The following SEMA3D variants were observed in gnomAD, a reference collection of about 807,000 sequenced individuals.
SEMA3D encodes semaphorin 3D.
Under a neutral mutation model 100.1 loss-of-function variants are expected in SEMA3D, and 84 were observed. The ratio of observed to expected loss-of-function variants is 0.84; its 90% CI spans 0.70 to 1.01. SEMA3D has a LOEUF of 1.01. SEMA3D is among the 50% of genes least tolerant of loss of function. SEMA3D has a pLI of 0.00. For synonymous variants in SEMA3D, 312 were observed against 320.7 expected (o/e 0.97, Z 0.29); for missense variants, 875 against 934.1 (o/e 0.94, Z 0.82).
the SEMA3D span, among the ~76,000 whole-genome samples, chr7:85,214,282 C>T: frequency 6.6e-6 from 1 of 152,110 alleles, no homozygotes. Flanking sequence ...TTGGTACTAA[C>T]ACTAGTCATC....
chr7:85,007,324 G>A (rs1789827881), intron 17 of SEMA3D, among the ~76,000 whole-genome samples: 1 of 151,534 alleles, frequency 6.6e-6, no homozygotes, highest in Admixed American at 6.6e-5. Context: ...TAGTTCTGGA[G>A]GGGCAGTTTG....
At chr7:85,040,774 T>C (rs991317636) in intron 10 of SEMA3D, 32 bp from the exon 11 acceptor site, 1 of 965,074 alleles carries the variant, frequency 1.0e-6, no homozygotes, top group Non-Finnish European at 1.7e-6. Flanking sequence ...TATTTACTCT[T>C]ATTTTTCAGT....
intron 9 of SEMA3D, among the ~76,000 whole-genome samples, chr7:85,048,817 A>T (rs986692788): frequency 6.6e-6 from 1 of 151,916 alleles, no homozygotes; most frequent in Non-Finnish European, 1.5e-5. Flanking sequence ...CGGTAAGTTA[A>T]GTTGTAGAAA....
At chr7:85,064,595 T>C (rs553625612) in intron 8 of SEMA3D, among the ~76,000 whole-genome samples, 14 of 152,290 alleles carry the variant, frequency 9.2e-5, no homozygotes, top group African/African-American at 3.4e-4. Flanking sequence ...CCTCGCCTCC[T>C]TCACTAAGGC....
chr7:85,022,820 A>G (rs1416777373), intron 12 of SEMA3D, among the ~76,000 whole-genome samples: 1 of 151,890 alleles, frequency 6.6e-6, no homozygotes, highest in African/African-American at 2.4e-5. Flanking sequence ...AATTTTCTAA[A>G]TTACCTCTGC....
the SEMA3D span, among the ~76,000 whole-genome samples, chr7:85,211,644 G>A: frequency 2.6e-5 from 4 of 152,088 alleles, no homozygotes; most frequent in East Asian, 5.8e-4. Context: ...AGAAAACTGT[G>A]TACTGTTGAT....
intron 2 of SEMA3D, among the ~76,000 whole-genome samples, chr7:85,146,122 T>C (rs1298242988): frequency 6.6e-6 from 1 of 152,186 alleles, no homozygotes; most frequent in Non-Finnish European, 1.5e-5. Context: ...CCAATTGGTA[T>C]AAATAGATAA....
chr7:85,215,171 T>C, the SEMA3D span, among the ~76,000 whole-genome samples: 1 of 151,788 alleles, frequency 6.6e-6, no homozygotes. Context: ...TCAGATTTTC[T>C]TGGACTGTGA....
Position 85,121,943 on chromosome 7 carries a change from T to TA in SEMA3D, c.-40-13dup, listed in dbSNP as rs375445705. On this transcript the variant is annotated splice_polypyrimidine_tract_variant and intron_variant, in intron 2 of 18. Transcript: ENST00000284136. Reference sequence around the variant, plus strand: ...GGTGTTAATTTAATCTAAAAAAGAGTAAAAAAAAAAAAACTATTAAGGTAT... The same window carrying TA: ...GGTGTTAATTTAATCTAAAAAAGAGTAAAAAAAAAAAAAACTATTAAGGTAT... 0.093 allele frequency: 92,342 copies of TA among 991,240 alleles called. 40 individuals carry two copies. The highest frequency in any genetic ancestry group is 0.13 in the South Asian group (6,621 of 49,074). 61.4% of individuals were successfully genotyped at this position (991,240 alleles called of 1,614,324 possible).
intron 12 of SEMA3D, among the ~76,000 whole-genome samples, chr7:85,034,915 C>T (rs1193419024): frequency 6.6e-6 from 1 of 151,970 alleles, no homozygotes; most frequent in East Asian, 1.9e-4. Context: ...TGTGGCAGTT[C>T]CTCAAAAAAT....
intron 2 of SEMA3D, chr7:85,140,174 A>T (rs943378488): frequency 2.1e-6 from 1 of 482,106 alleles, no homozygotes; most frequent in African/African-American, 2.1e-5. Flanking sequence ...TTAAGTTTAT[A>T]AGAGCATTTA....
intron 2 of SEMA3D, among the ~76,000 whole-genome samples, chr7:85,122,277 AC>A (rs1374295532): frequency 6.6e-6 from 1 of 152,040 alleles, no homozygotes; most frequent in Non-Finnish European, 1.5e-5. Flanking sequence ...ACTTTCCTCA[AC>A]TTACTAAATT....
rs57323073 is a variant in SEMA3D at position 85,055,701 on chromosome 7, T to C, written c.861+16A>G. ...ATATATATATGTTTTAAGTAAAATA[T>C]ATAAATATATCTTGCCTTACAAACT... On this transcript the variant is annotated intron_variant, in intron 9 of 18. Coordinates refer to ENST00000284136, the MANE Select transcript of SEMA3D (RefSeq NM_001384900.1). The C allele has an allele frequency of 9.9e-3, 8,555 of 865,578 alleles. 603 individuals carry two copies. In the African/African-American group the frequency reaches 0.14, roughly 14 times the overall value. The allele number at this position is 865,578 out of a possible 1,614,324, so 53.6% of individuals were successfully genotyped here.
intron 2 of SEMA3D, 129 bp downstream of exon 2, chr7:85,153,479 G>A (rs994782377): frequency 6.6e-6 from 1 of 152,052 alleles, no homozygotes; most frequent in Non-Finnish European, 1.5e-5. Context: ...AATCACATCA[G>A]CCCAAGGACA....
chr7:85,203,903 T>C, the SEMA3D span, among the ~76,000 whole-genome samples: 2 of 152,050 alleles, frequency 1.3e-5, no homozygotes, highest in Non-Finnish European at 2.9e-5. Flanking sequence ...ATGTTAGAAG[T>C]GGGAGATATT....
intron 9 of SEMA3D, among the ~76,000 whole-genome samples, chr7:85,043,639 G>A (rs1295148578): frequency 2.6e-5 from 4 of 152,076 alleles, no homozygotes; most frequent in Non-Finnish European, 5.9e-5. Flanking sequence ...ATTCCCACAT[G>A]TTGTGGGAGG....
rs1367809102 is a variant in SEMA3D at position 85,040,725 on chromosome 7, G to A, written c.994C>T (p.Pro332Ser). ...ACAGGATTTCTTTCATCTCTTGTGG[G>A]GAGTAAATAAATATCTTCTATTAAA... Reference protein sequence around the residue: ...FDELQDIYLLPTRDERNPVVY... With the variant: ...FDELQDIYLLSTRDERNPVVY... Residue 332 changes from proline to serine, a missense_variant, in exon 11 of 19, where the codon CCC becomes TCC. Coordinates refer to ENST00000284136, the MANE Select transcript of SEMA3D (RefSeq NM_001384900.1). 7.0e-7 allele frequency: 1 copy of A among 1,422,376 alleles called. No individual in the cohort carries two copies. The highest frequency in any genetic ancestry group is 9.9e-7 in the Non-Finnish European group (1 of 1,008,998). 88.1% of individuals were successfully genotyped at this position (1,422,376 alleles called of 1,614,324 possible). A position where few individuals can be genotyped will look rare whatever the true frequency, so the allele number is the denominator to read the frequency against.
At chr7:85,142,451 A>G in intron 2 of SEMA3D, 1 of 960,706 alleles carries the variant, frequency 1.0e-6, no homozygotes, top group Non-Finnish European at 1.2e-6. Context: ...TTTATAAAAG[A>G]CACAGATTAC....
At chr7:85,196,150 C>A in the SEMA3D span, among the ~76,000 whole-genome samples, 5 of 152,164 alleles carry the variant, frequency 3.3e-5, no homozygotes, top group African/African-American at 1.2e-4. Flanking sequence ...CTTTTTCCCC[C>A]GCAACATTTC....
Sources: gnomAD v4.1 joint callset for allele counts (sites outside exome capture counted in the v4.1 genomes callset) on GRCh38, gnomAD v4.1.1 for gene constraint, MANE v1.5 for transcripts, NCBI Gene and HGNC (gene_info 2026-07-23, HGNC 2026-07-21) for gene names.